Variants in CACNA1C observed in about 807,000 individuals in gnomAD.
The protein encoded by CACNA1C is calcium voltage-gated channel subunit alpha1 C, also known as voltage-dependent L-type calcium channel subunit alpha-1C.
A neutral mutation model predicts 229.0 loss-of-function variants in CACNA1C; 30 were observed. That is an observed-to-expected ratio of 0.13 (90% CI 0.10 to 0.18). CACNA1C has a LOEUF of 0.18. Ranked by LOEUF, CACNA1C falls within the 10% of genes least tolerant of loss-of-function variation. CACNA1C has a pLI of 1.00. For missense variants in CACNA1C, 1,658 were observed against 2,845.0 expected, an observed-to-expected ratio of 0.58 and a Z score of 9.49; for synonymous variants, 1,114 against 1,132.5, an observed-to-expected ratio of 0.98 and a Z score of 0.33.
chr12:2,365,647 T>C (rs565756852), intron 3 of CACNA1C, among the ~76,000 whole-genome samples: 1 of 152,360 alleles, frequency 6.6e-6, no homozygotes, highest in South Asian at 2.1e-4. Context: ...ACTAATGCCA[T>C]ATAAATAATG....
At chr12:2,171,247 C>A (rs977382591) in intron 3 of CACNA1C, among the ~76,000 whole-genome samples, 9 of 152,208 alleles carry the variant, frequency 5.9e-5, no homozygotes, top group African/African-American at 2.2e-4. Context: ...TGGAACAGGA[C>A]TTGCCTTGGA....
intron 1 of CACNA1C, among the ~76,000 whole-genome samples, chr12:2,103,111 T>G (rs930319462): frequency 1.3e-5 from 2 of 152,214 alleles, no homozygotes; most frequent in Non-Finnish European, 2.9e-5. Flanking sequence ...GTAATGGGAT[T>G]GCTGGGTCAA....
chr12:2,301,792 AAGG>A (rs991360753), intron 3 of CACNA1C, among the ~76,000 whole-genome samples: 4 of 152,172 alleles, frequency 2.6e-5, no homozygotes, highest in African/African-American at 9.7e-5. Flanking sequence ...CAGACTCTGA[AAGG>A]AGATTCCCAA....
At chr12:2,557,877 G>T (rs2045320097) in intron 11 of CACNA1C, among the ~76,000 whole-genome samples, 1 of 152,206 alleles carries the variant, frequency 6.6e-6, no homozygotes, top group Non-Finnish European at 1.5e-5. Context: ...CTCAGTGCCT[G>T]TCCAGTGGTG....
rs534871410 is a variant in CACNA1C at position 2,256,988 on chromosome 12, G to A, written c.477+136558G>A. 8.5e-5 allele frequency among the ~76,000 whole-genome samples: 13 copies of A among 152,206 alleles called. No individual in the cohort carries two copies. In the East Asian group the frequency reaches 1.4e-3, roughly 16 times the overall value. ...TATGTTACAGTTGCACTCAAAAATC[G>A]TGGTGACTCAACACAACAGAATGTA... On this transcript the variant is annotated intron_variant, in intron 3 of 46. Coordinates refer to ENST00000399655, the MANE Select transcript of CACNA1C (RefSeq NM_000719.7).
intron 12 of CACNA1C, among the ~76,000 whole-genome samples, 159 bp from the exon 13 acceptor site, chr12:2,567,410 T>C (rs528776473): frequency 5.9e-5 from 9 of 152,310 alleles, no homozygotes; most frequent in African/African-American, 2.2e-4. Context: ...CCCTTTCCCA[T>C]TGGCTTGGCC....
At chr12:2,492,573 G>A (rs1359053885) in intron 6 of CACNA1C, among the ~76,000 whole-genome samples, 1 of 152,270 alleles carries the variant, frequency 6.6e-6, no homozygotes, top group East Asian at 1.9e-4. Context: ...GGCAGTCAGA[G>A]TCCGTTTTCC....
rs371431767 is a variant in CACNA1C at position 2,516,124 on chromosome 12, T to A, written c.1390+3140T>A. Reference sequence around the variant, plus strand: ...GGGTCAGCCAAGGAATGTCTCACGATCGAGGCAGCATTGGAATAAAGACGT... The same window carrying A: ...GGGTCAGCCAAGGAATGTCTCACGAACGAGGCAGCATTGGAATAAAGACGT... On this transcript the variant is annotated intron_variant, in intron 9 of 46. Coordinates refer to ENST00000399655, the MANE Select transcript of CACNA1C (RefSeq NM_000719.7). Among the ~76,000 whole-genome samples, 29 of 151,992 alleles carry A rather than the reference T, an allele frequency of 1.9e-4. 1 individual carries two copies. The highest frequency in any genetic ancestry group is 6.3e-4 in the South Asian group (3 of 4,796).
intron 30 of CACNA1C, among the ~76,000 whole-genome samples, chr12:2,634,950 T>C (rs2092249028): frequency 1.3e-5 from 2 of 152,180 alleles, no homozygotes; most frequent in Non-Finnish European, 2.9e-5. Flanking sequence ...GGCTCTGTTT[T>C]CATTTAACAT....
intron 3 of CACNA1C, among the ~76,000 whole-genome samples, chr12:2,188,643 T>A (rs942416929): frequency 6.6e-6 from 1 of 152,176 alleles, no homozygotes; most frequent in African/African-American, 2.4e-5. Flanking sequence ...AAATTGATAT[T>A]CGGTTTTTAG....
chr12:2,404,042 G>A (rs1359551227), intron 3 of CACNA1C, among the ~76,000 whole-genome samples: 1 of 152,222 alleles, frequency 6.6e-6, no homozygotes, highest in Non-Finnish European at 1.5e-5. Context: ...CCCTAGGCTG[G>A]TCACCTCTGG....
At position 2,601,755 on chromosome 12, in the gene CACNA1C, C is replaced by G; in HGVS notation, c.2854-99C>G. The G allele has an allele frequency of 1.3e-6, 1 of 793,400 alleles. No individual in the cohort carries two copies. 49.1% of individuals were successfully genotyped at this position (793,400 alleles called of 1,614,324 possible). ...TGTTCCCCATGGATGGTGCTTGGGA[C>G]TTGCCCAAGGGATGCTGTGGGAGGA... is the stretch of plus-strand genomic sequence containing the variant. On this transcript the variant is annotated intron_variant, in intron 21 of 46. Coordinates refer to ENST00000399655, the MANE Select transcript of CACNA1C (RefSeq NM_000719.7). This position sits in a 1 kb window ranked among gnomAD's most constrained non-coding sequence, Gnocchi z 5.9.
chr12:2,409,404 C>T (rs1301198169), intron 3 of CACNA1C, among the ~76,000 whole-genome samples: 1 of 152,298 alleles, frequency 6.6e-6, no homozygotes, highest in Non-Finnish European at 1.5e-5. Context: ...GGCTAGTCAG[C>T]TCTGATAAAG....
chr12:2,547,808 G>C (rs2099884520), intron 9 of CACNA1C, among the ~76,000 whole-genome samples: 3 of 152,324 alleles, frequency 2.0e-5, no homozygotes, highest in South Asian at 4.1e-4. Flanking sequence ...CTGGCCTAGA[G>C]TAAGCACACT....
At chr12:2,370,895 C>T (rs1013162429) in intron 3 of CACNA1C, among the ~76,000 whole-genome samples, 5 of 152,108 alleles carry the variant, frequency 3.3e-5, no homozygotes, top group Non-Finnish European at 7.4e-5. Flanking sequence ...GGGGCAGTCC[C>T]TATGCTCTGT....
intron 3 of CACNA1C, among the ~76,000 whole-genome samples, chr12:2,430,755 G>T (rs1383873897): frequency 6.6e-6 from 1 of 152,064 alleles, no homozygotes; most frequent in Admixed American, 6.5e-5. Flanking sequence ...CTTCCCCCAG[G>T]TGTATAGGAG....
intron 1 of CACNA1C, among the ~76,000 whole-genome samples, chr12:2,047,326 T>C (rs1414322730): frequency 6.6e-6 from 1 of 152,222 alleles, no homozygotes; most frequent in Admixed American, 6.5e-5. Context: ...ATGAGCACAC[T>C]GTGCACCCCA....
chr12:2,604,432 C>A (rs912904241), intron 22 of CACNA1C, among the ~76,000 whole-genome samples: 2 of 152,076 alleles, frequency 1.3e-5, no homozygotes, highest in Non-Finnish European at 2.9e-5. Flanking sequence ...GTGTCAGGGG[C>A]AATATGTGTT....
Position 2,674,484 on chromosome 12 carries a change from A to C in CACNA1C, c.4727-57A>C, listed in dbSNP as rs1335742999. On this transcript the variant is annotated intron_variant, in intron 38 of 46. Coordinates refer to ENST00000399655, the MANE Select transcript of CACNA1C (RefSeq NM_000719.7). ...ATCTGTGGCTTCCTACCTTACGCAG[A>C]GGGACCCAGCCCATCAGAGGCCCAC... is the stretch of plus-strand genomic sequence containing the variant. 7 of 1,529,400 alleles carry C rather than the reference A, an allele frequency of 4.6e-6. No homozygotes were observed. The East Asian group carries it at 1.7e-4, about 38-fold the overall frequency. The allele number at this position is 1,529,400 out of a possible 1,614,324, so 94.7% of individuals were successfully genotyped here.
Sources: allele counts gnomAD v4.1 joint callset (sites outside exome capture counted in the v4.1 genomes callset), GRCh38; gene constraint gnomAD v4.1.1; non-coding constraint Gnocchi (gnomAD v3.1); transcripts MANE v1.5; gene names NCBI Gene and HGNC (gene_info 2026-07-23, HGNC 2026-07-21).